PNKD: variants seen among roughly 807,000 people sequenced by gnomAD.
PNKD encodes the protein PNKD metallo-beta-lactamase domain containing, also known as probable thioesterase PNKD.
Under a neutral mutation model 45.3 loss-of-function variants are expected in PNKD, and 36 were observed. That is an observed-to-expected ratio of 0.80 (90% CI 0.61 to 1.05). PNKD has a LOEUF of 1.05. Ranked by LOEUF, PNKD falls within the 50% of genes least tolerant of loss-of-function variation. The pLI, the probability that PNKD is intolerant of heterozygous loss-of-function variation, is 0.00. For synonymous variants in PNKD, 197 were observed against 210.1 expected, an observed-to-expected ratio of 0.94 and a Z score of 0.54; for missense variants, 511 against 506.6, an observed-to-expected ratio of 1.01 and a Z score of -0.08.
At chr2:218,339,957 G>A in intron 3 of PNKD, 59 bp downstream of exon 3, 1 of 1,411,784 alleles carries the variant, frequency 7.1e-7, no homozygotes, top group South Asian at 1.2e-5. Context: ...CTCCCCGCCT[G>A]CTCCCCTTCA....
Position 218,341,962 on chromosome 2 carries a change from C to T in PNKD, c.618-19C>T. 3 of 1,603,236 alleles carry T rather than the reference C, an allele frequency of 1.9e-6. No homozygotes were observed. The highest frequency in any genetic ancestry group is 2.6e-6 in the Non-Finnish European group (3 of 1,170,056). On this transcript the variant is annotated intron_variant, in intron 6 of 9. Coordinates refer to ENST00000273077, the MANE Select transcript of PNKD (RefSeq NM_015488.5). ...GCACAGATCCAATACCTTCTGTCCC[C>T]TGCTCCCTTGTTCCCCAGTCCCCTG... is the stretch of plus-strand genomic sequence containing the variant.
intron 2 of PNKD, among the ~76,000 whole-genome samples, chr2:218,329,632 G>T (rs1487957656): frequency 6.6e-6 from 1 of 152,244 alleles, no homozygotes; most frequent in Non-Finnish European, 1.5e-5. Flanking sequence ...GCAGGGCGAT[G>T]GCAGACCCTG....
intron 2 of PNKD, among the ~76,000 whole-genome samples, chr2:218,289,566 C>T (rs1289956380): frequency 7.4e-6 from 1 of 134,244 alleles, no homozygotes; most frequent in Non-Finnish European, 1.5e-5. Context: ...CACTTGAACC[C>T]AGGAGATGTA....
chr2:218,308,689 C>G (rs958264446), intron 2 of PNKD, among the ~76,000 whole-genome samples: 1 of 150,790 alleles, frequency 6.6e-6, no homozygotes, highest in South Asian at 2.1e-4. Flanking sequence ...CGGGTTCAAG[C>G]GATTCTCCTG....
rs397987851 is a variant in PNKD at position 218,323,051 on chromosome 2, G to GGC, written c.237-16732_237-16731insGC. The GGC allele has an allele frequency of 4.0e-4, 268 of 676,360 alleles. 1 individual carries two copies. In the African/African-American group the frequency reaches 4.8e-3, roughly 12 times the overall value. The allele number at this position is 676,360 out of a possible 1,614,324, so 41.9% of individuals were successfully genotyped here. On this transcript the variant is annotated intron_variant, in intron 2 of 9. Transcript: ENST00000273077. ...GCCCCGCCTCCTGGCCGCCAGCCGGGCGGAGCCAGGCCGCCCCCCAAGCCG... is the reference window on the plus strand; with the variant it reads ...GCCCCGCCTCCTGGCCGCCAGCCGGGGCCGGAGCCAGGCCGCCCCCCAAGCCG...
At chr2:218,323,075 C>G (rs959542828) in intron 2 of PNKD, 1 of 920,370 alleles carries the variant, frequency 1.1e-6, no homozygotes, top group Non-Finnish European at 1.4e-6. Flanking sequence ...CCCCCCAAGC[C>G]GGGTGGCCTT....
At position 218,324,997 on chromosome 2, in the gene PNKD, C is replaced by CTTTTT. The variant is rs1167758595; in HGVS notation, c.237-14762_237-14758dup. 8.0e-4 allele frequency among the ~76,000 whole-genome samples: 50 copies of CTTTTT among 62,682 alleles called. 11 individuals carry two copies. Among genetic ancestry groups the CTTTTT allele is most frequent in the African/African-American group, 3.2e-3 (48 of 14,888 alleles). 41.1% of individuals were successfully genotyped at this position (62,682 alleles called of 152,430 possible). ...AACATGAAGGTATCTAAATAATTTT[C>CTTTTT]TTTTTTTTTTTTTTTTTTTTTTTTT... On this transcript the variant is annotated intron_variant, in intron 2 of 9. Transcript: ENST00000273077.
Position 218,346,256 on chromosome 2 carries a change from T to G in PNKD, c.*1275T>G, listed in dbSNP as rs1445242724. ...GAGTCAGCCAGGAGCCCTCTTTTCCTGTGTCAAAGCCTGCCCTCGGGCTCT... is the reference window on the plus strand; with the variant it reads ...GAGTCAGCCAGGAGCCCTCTTTTCCGGTGTCAAAGCCTGCCCTCGGGCTCT... On this transcript the variant is annotated 3_prime_UTR_variant, in exon 10 of 10. Coordinates refer to ENST00000273077, the MANE Select transcript of PNKD (RefSeq NM_015488.5). The G allele has an allele frequency of 2.0e-5, 3 of 152,812 alleles. No homozygotes were observed. Among genetic ancestry groups the G allele is most frequent in the Admixed American group, 6.5e-5 (1 of 15,272 alleles). The allele number at this position is 152,812 out of a possible 1,614,324, so 9.5% of individuals were successfully genotyped here.
intron 2 of PNKD, chr2:218,277,825 A>G: frequency 6.4e-7 from 1 of 1,554,338 alleles, no homozygotes; most frequent in Non-Finnish European, 8.8e-7. Flanking sequence ...GGCCCAGATA[A>G]GGTGGAGGAG....
chr2:218,302,939 C>CGTTT (rs139448137), intron 2 of PNKD, among the ~76,000 whole-genome samples: 3,014 of 151,628 alleles, frequency 0.02, 90 homozygotes, highest in African/African-American at 0.068. Flanking sequence ...TCTGTTTGTT[C>CGTTT]GTTTGTTTGT....
intron 2 of PNKD, among the ~76,000 whole-genome samples, chr2:218,324,298 A>G (rs1375835944): frequency 6.6e-6 from 1 of 152,038 alleles, no homozygotes; most frequent in East Asian, 1.9e-4. Context: ...AATGTTGGGG[A>G]TGGGAATTGT....
At chr2:218,301,772 G>A (rs896766507) in intron 2 of PNKD, among the ~76,000 whole-genome samples, 10 of 152,118 alleles carry the variant, frequency 6.6e-5, no homozygotes, top group African/African-American at 2.2e-4. Context: ...AACAGCCTGA[G>A]CTACCATCTG....
At chr2:218,313,314 T>G (rs199675162) in intron 2 of PNKD, among the ~76,000 whole-genome samples, 1 of 152,180 alleles carries the variant, frequency 6.6e-6, no homozygotes, top group African/African-American at 2.4e-5. Context: ...TTTCACCATA[T>G]TGGTCAGGCT....
chr2:218,343,564 G>A lies in PNKD; in HGVS notation c.846G>A (p.Gly282=). The A allele has an allele frequency of 1.9e-6, 3 of 1,613,326 alleles. No individual in the cohort carries two copies. The highest frequency in any genetic ancestry group is 1.7e-6 in the Non-Finnish European group (2 of 1,179,676). Residue 282 remains glycine (G), a synonymous_variant, in exon 8 of 10, where the codon GGG becomes GGA. Transcript: ENST00000273077. The part of the protein sequence containing the change: ...LSSLDTVLGL[G]DDTLLWPGHE... ...CACTGGACACTGTGCTGGGGCTAGG[G>A]GATGACACCCTTCTGTGGCCTGGTG...
In PNKD at chr2:218,279,987, G is replaced by A. The variant is rs927732237; in HGVS notation, c.236+8438G>A. On this transcript the variant is annotated intron_variant, in intron 2 of 9. Transcript: ENST00000273077. ...CCCACTTCCCATTCCCACAGCCTGA[G>A]GGGCCCCAGGTACACCCACCTCCCA... The A allele has an allele frequency of 8.9e-6, 14 of 1,567,852 alleles. No homozygotes were observed. In the African/African-American group the frequency reaches 1.6e-4, roughly 18 times the overall value.
At chr2:218,298,451 A>C (rs941909816) in intron 2 of PNKD, among the ~76,000 whole-genome samples, 4 of 152,210 alleles carry the variant, frequency 2.6e-5, no homozygotes, top group Non-Finnish European at 1.5e-5. Context: ...GACCTTAGGC[A>C]TATTACTTAA....
chr2:218,339,952 C>T (rs1694622072), intron 3 of PNKD, 54 bp downstream of exon 3: 5 of 1,454,772 alleles, frequency 3.4e-6, no homozygotes, highest in South Asian at 1.2e-5. Context: ...CCACCCTCCC[C>T]GCCTGCTCCC....
intron 2 of PNKD, chr2:218,292,716 A>C (rs2106245500): frequency 6.6e-6 from 1 of 152,352 alleles, no homozygotes; most frequent in South Asian, 2.1e-4. Context: ...TACTGATAGG[A>C]AGCTAGAAAA....
chr2:218,276,448 G>C (rs1172777225), intron 2 of PNKD, among the ~76,000 whole-genome samples: 2 of 152,068 alleles, frequency 1.3e-5, no homozygotes, highest in Non-Finnish European at 2.9e-5. Flanking sequence ...AAGAAGGGAG[G>C]CCCCCCAACC....
Sources: gnomAD v4.1 joint callset for allele counts (sites outside exome capture counted in the v4.1 genomes callset) on GRCh38, gnomAD v4.1.1 for gene constraint, MANE v1.5 for transcripts, NCBI Gene and HGNC (gene_info 2026-07-23, HGNC 2026-07-21) for gene names.